Variants in CDH13 observed in about 807,000 individuals in gnomAD.
The protein encoded by CDH13 is cadherin-13.
Under a neutral mutation model 63.8 loss-of-function variants are expected in CDH13, and 24 were observed. That is an observed-to-expected ratio of 0.38 (90% confidence interval 0.27 to 0.53). The LOEUF is 0.53. Ranked by LOEUF, CDH13 falls within the 20% of genes least tolerant of loss-of-function variation. The probability of loss-of-function intolerance (pLI) is 0.85; values close to 1 mark genes in which losing one functional copy is unlikely to be tolerated. For missense variants in CDH13, 1,049 were observed against 903.1 expected (o/e 1.16, Z -2.07); for synonymous variants, 503 against 355.3 (o/e 1.42, Z -4.67).
chr16:83,286,016 C>T (rs1014534747), intron 5 of CDH13, among the ~76,000 whole-genome samples: 5 of 152,234 alleles, frequency 3.3e-5, no homozygotes, highest in Admixed American at 6.5e-5. Context: ...GAGCCGTTGC[C>T]CAAGAAATAA....
At chr16:83,614,736 T>C (rs561793593) in intron 8 of CDH13, among the ~76,000 whole-genome samples, 59 of 152,314 alleles carry the variant, frequency 3.9e-4, no homozygotes, top group Non-Finnish European at 6.5e-4. Context: ...AGCTTTTTAA[T>C]CTGGAGTATC....
In CDH13 at chr16:83,271,422, T is replaced by TAAAAAAAAAAAAAA; in HGVS notation, c.636+53942_636+53955dup. 6.0e-3 allele frequency among the ~76,000 whole-genome samples: 155 copies of TAAAAAAAAAAAAAA among 26,010 alleles called. 35 individuals carry two copies. The highest frequency in any genetic ancestry group is 8.3e-3 in the Non-Finnish European group (117 of 14,128). 17.1% of individuals were successfully genotyped at this position (26,010 alleles called of 152,430 possible). ...CTACCGCACATTGAGGCAGAGTTCATAAAAAAAAAAAAAAAAAAAAAAAAA... is the reference window on the plus strand; with the variant it reads ...CTACCGCACATTGAGGCAGAGTTCATAAAAAAAAAAAAAAAAAAAAAAAAAAAAAAAAAAAAAAA... On this transcript the variant is annotated intron_variant, in intron 5 of 13. Transcript: ENST00000567109.
chr16:83,081,515 T>G (rs559744797), intron 3 of CDH13, among the ~76,000 whole-genome samples: 1 of 152,288 alleles, frequency 6.6e-6, no homozygotes, highest in East Asian at 1.9e-4. Flanking sequence ...TCTCCTTAGT[T>G]TGGGCTGCTA....
In CDH13 at chr16:82,822,630, G is replaced by T. The variant is rs542625031; in HGVS notation, c.46-35732G>T. Among the ~76,000 whole-genome samples, 17 of 152,264 alleles carry T rather than the reference G, an allele frequency of 1.1e-4. No homozygotes were observed. In the South Asian group the frequency reaches 3.5e-3, roughly 32 times the overall value. ...CTGCCTTAGCCTTCTGAATAGCTGA[G>T]ACTACAGGTGTGCACCGCCACACCT... On this transcript the variant is annotated intron_variant, in intron 1 of 13. Coordinates refer to ENST00000567109, the MANE Select transcript of CDH13 (RefSeq NM_001257.5).
chr16:82,664,466 G>A (rs1402281364), intron 1 of CDH13, among the ~76,000 whole-genome samples: 1 of 152,232 alleles, frequency 6.6e-6, no homozygotes, highest in African/African-American at 2.4e-5. Context: ...AAAGCTGCCA[G>A]CCAGTGAGCC....
intron 10 of CDH13, among the ~76,000 whole-genome samples, chr16:83,692,281 G>A (rs1211565436): frequency 1.3e-5 from 2 of 152,216 alleles, no homozygotes; most frequent in Non-Finnish European, 2.9e-5. Context: ...ATGCCTGTAA[G>A]AGCATGGGGA....
intron 1 of CDH13, among the ~76,000 whole-genome samples, chr16:82,767,721 C>T (rs2035109063): frequency 2.0e-5 from 3 of 152,192 alleles, no homozygotes; most frequent in South Asian, 2.1e-4. Context: ...TGCATTGACT[C>T]CCTTGGGTTT....
intron 1 of CDH13, among the ~76,000 whole-genome samples, chr16:82,705,650 C>T (rs533150214): frequency 6.6e-6 from 1 of 152,208 alleles, no homozygotes; most frequent in East Asian, 1.9e-4. Flanking sequence ...CTGCTTCTTT[C>T]TTGCCAGTAT....
chr16:82,690,249 A>ATG (rs1915517351), intron 1 of CDH13, among the ~76,000 whole-genome samples: 2 of 150,960 alleles, frequency 1.3e-5, no homozygotes, highest in Non-Finnish European at 2.9e-5. Context: ...AATATGAAGA[A>ATG]GAATGGTGAG....
At chr16:83,655,586 G>C (rs1319889428) in intron 8 of CDH13, among the ~76,000 whole-genome samples, 4 of 152,202 alleles carry the variant, frequency 2.6e-5, no homozygotes, top group African/African-American at 9.7e-5. Flanking sequence ...AAAAGGCAGA[G>C]ATGGGCAGAT....
chr16:83,311,635 C>T (rs977212595), intron 5 of CDH13, among the ~76,000 whole-genome samples: 2 of 152,186 alleles, frequency 1.3e-5, no homozygotes, highest in African/African-American at 2.4e-5. Flanking sequence ...TTACTAACAA[C>T]GTGCCTTGTT....
At chr16:83,194,581 T>C (rs1013144969) in intron 4 of CDH13, among the ~76,000 whole-genome samples, 2 of 152,182 alleles carry the variant, frequency 1.3e-5, no homozygotes, top group African/African-American at 4.8e-5. Flanking sequence ...GCCGAAACAA[T>C]AAGGGATAAA....
chr16:83,027,228 A>G (rs889123048), intron 2 of CDH13, among the ~76,000 whole-genome samples: 2 of 151,390 alleles, frequency 1.3e-5, no homozygotes, highest in African/African-American at 4.9e-5. Flanking sequence ...CATGCTGTTC[A>G]TTGCTGAAGA....
At chr16:83,195,546 G>T (rs968384066) in intron 4 of CDH13, among the ~76,000 whole-genome samples, 1 of 152,184 alleles carries the variant, frequency 6.6e-6, no homozygotes, top group East Asian at 1.9e-4. Flanking sequence ...CAGATCTCCT[G>T]AGAACTCTAT....
intron 5 of CDH13, among the ~76,000 whole-genome samples, chr16:83,231,818 C>T (rs1375697491): frequency 6.6e-6 from 1 of 152,164 alleles, no homozygotes; most frequent in Non-Finnish European, 1.5e-5. Flanking sequence ...ATGCGACCCC[C>T]AGCACTGGAG....
chr16:83,790,132 T>C (rs1916164165), intron 13 of CDH13: 1 of 152,204 alleles, frequency 6.6e-6, no homozygotes, highest in Admixed American at 6.5e-5. Context: ...ATTTTCTAGA[T>C]GAGAAAACTG....
chr16:83,116,927 A>G (rs2035328286), intron 3 of CDH13, among the ~76,000 whole-genome samples: 1 of 152,210 alleles, frequency 6.6e-6, no homozygotes, highest in African/African-American at 2.4e-5. Flanking sequence ...TAGGTTCTTC[A>G]GGGAGTGCAG....
At chr16:83,147,003 G>T (rs2036778850) in intron 4 of CDH13, among the ~76,000 whole-genome samples, 1 of 152,088 alleles carries the variant, frequency 6.6e-6, no homozygotes, top group African/African-American at 2.4e-5. Flanking sequence ...CAGGAAAATT[G>T]CTTGAACTCA....
At chr16:83,543,630 G>A (rs538903323) in intron 7 of CDH13, among the ~76,000 whole-genome samples, 1 of 152,114 alleles carries the variant, frequency 6.6e-6, no homozygotes, top group East Asian at 1.9e-4. Flanking sequence ...TCTCAACTGG[G>A]GGTGATTGTG....
Sources: gnomAD v4.1 joint callset for allele counts (sites outside exome capture counted in the v4.1 genomes callset) on GRCh38, gnomAD v4.1.1 for gene constraint, MANE v1.5 for transcripts, NCBI Gene and HGNC (gene_info 2026-07-23, HGNC 2026-07-21) for gene names.